Variants in PHKA2 observed in about 807,000 individuals in gnomAD.
PHKA2 encodes phosphorylase kinase regulatory subunit alpha 2.
Under a neutral mutation model 102.0 loss-of-function variants are expected in PHKA2, and 31 were observed. That is an observed-to-expected ratio of 0.30 (90% confidence interval 0.23 to 0.41). PHKA2 has a LOEUF of 0.41. Ranked by LOEUF, PHKA2 falls within the 10% of genes least tolerant of loss-of-function variation. The pLI, the probability that PHKA2 is intolerant of heterozygous loss-of-function variation, is 1.00. For missense variants in PHKA2, 858 were observed against 1,023.1 expected (o/e 0.84, Z 2.20); for synonymous variants, 455 against 416.2 (o/e 1.09, Z -1.13).
intron 1 of PHKA2, among the ~76,000 whole-genome samples, chrX:18,955,000 A>G (rs2048753934): frequency 8.9e-6 from 1 of 112,625 alleles, no homozygotes; most frequent in Admixed American, 9.4e-5. Flanking sequence ...TAAAAGGGCA[A>G]CTGAGTCACT....
chrX:18,972,371 G>A (rs2049028705), intron 1 of PHKA2, among the ~76,000 whole-genome samples: 1 of 111,910 alleles, frequency 8.9e-6, no homozygotes, highest in Admixed American at 9.5e-5. Context: ...ATGTGTCTTG[G>A]CTATTCTTGG....
At chrX:18,927,498 C>G (rs968680385) in intron 13 of PHKA2, among the ~76,000 whole-genome samples, 1 of 112,095 alleles carries the variant, frequency 8.9e-6, no homozygotes, top group Admixed American at 9.4e-5. Flanking sequence ...CTCAGGGCAG[C>G]GCAGGATTGG....
At chrX:18,943,655 G>T (rs2048531818) in intron 7 of PHKA2, 55 bp downstream of exon 7, 1 of 939,586 alleles carries the variant, frequency 1.1e-6, no homozygotes, top group Non-Finnish European at 1.5e-6. Context: ...TGGATCCCAG[G>T]CCTTCCATGC....
In PHKA2 at chrX:18,899,603, A is replaced by ATGAACCAAATACCTACAGC. The variant is rs1439125679; in HGVS notation, c.3058-396_3058-378dup. Among the ~76,000 whole-genome samples, 155 of 112,271 alleles carry ATGAACCAAATACCTACAGC rather than the reference A, an allele frequency of 1.4e-3. 1 individual carries two copies. Among genetic ancestry groups the ATGAACCAAATACCTACAGC allele is most frequent in the African/African-American group, 4.8e-3 (149 of 30,896 alleles). Reference sequence around the variant, plus strand: ...TGGTAAGAATTGTGAAAATCTACAGATGAACCAAATACCTACAGCTGACAC... The same window carrying ATGAACCAAATACCTACAGC: ...TGGTAAGAATTGTGAAAATCTACAGATGAACCAAATACCTACAGCTGAACCAAATACCTACAGCTGACAC... On this transcript the variant is annotated intron_variant, in intron 28 of 32. Transcript: ENST00000379942.
chrX:18,943,818 C>T lies in PHKA2; in HGVS notation c.619-10G>A, dbSNP rs1569321562. On this transcript the variant is annotated splice_polypyrimidine_tract_variant and intron_variant, in intron 6 of 32. Transcript: ENST00000379942. ...TTGCCTCAAGAGCTGCCTACAAACACAGGTATGAGTTACTTTTTCTTTCTA... is the reference window on the plus strand; with the variant it reads ...TTGCCTCAAGAGCTGCCTACAAACATAGGTATGAGTTACTTTTTCTTTCTA... 1 of 1,151,513 alleles carries T rather than the reference C, an allele frequency of 8.7e-7. No homozygotes were observed. Among genetic ancestry groups the T allele is most frequent in the Non-Finnish European group, 1.2e-6 (1 of 840,567 alleles). The allele number at this position is 1,151,513 out of a possible 1,213,427, so 94.9% of individuals were successfully genotyped here.
intron 30 of PHKA2, chrX:18,896,175 G>T (rs2047548690): frequency 9.2e-6 from 1 of 109,166 alleles, no homozygotes; most frequent in Admixed American, 9.5e-5. Flanking sequence ...ATAGTTCTGG[G>T]GGGAAAAAAA....
intron 19 of PHKA2, among the ~76,000 whole-genome samples, chrX:18,911,751 G>A (rs1240451629): frequency 8.9e-6 from 1 of 112,707 alleles, no homozygotes; most frequent in Non-Finnish European, 1.9e-5. Flanking sequence ...GAAGTGAGCA[G>A]GCATAGATCT....
intron 1 of PHKA2, among the ~76,000 whole-genome samples, chrX:18,973,923 G>A (rs1272352806): frequency 9.0e-6 from 1 of 110,809 alleles, no homozygotes; most frequent in Admixed American, 9.7e-5. Context: ...GGACTGTTTC[G>A]TACCTTCTCT....
chrX:18,952,329 C>CAA (rs1198542984), intron 3 of PHKA2, among the ~76,000 whole-genome samples, 165 bp downstream of exon 3: 88 of 34,262 alleles, frequency 2.6e-3, no homozygotes, highest in South Asian at 3.6e-3. Flanking sequence ...GACCCTGTCT[C>CAA]AAAAAAAAAA....
At chrX:18,970,554 A>G (rs192349378) in intron 1 of PHKA2, among the ~76,000 whole-genome samples, 3 of 112,541 alleles carry the variant, frequency 2.7e-5, no homozygotes, top group African/African-American at 9.7e-5. Flanking sequence ...AAATTGAAGA[A>G]CAGTCAGATT....
intron 19 of PHKA2, 50 bp downstream of exon 19, chrX:18,918,631 C>T: frequency 4.5e-6 from 5 of 1,111,240 alleles, no homozygotes; most frequent in Non-Finnish European, 5.0e-6. Context: ...CCCTGCATTA[C>T]TTTGATAAAA....
rs759793796 is a variant in PHKA2, at chrX:18,906,589, C to T, written c.2712G>A (p.Ala904=). The part of the protein sequence containing the change: ...IVVYLAMYVR[A]QPSLFVEMLR... ...GCATCTCCACAAAGAGGCTGGGCTGCGCCCTGACATACATGGCCAGGTAAA... is the reference window on the plus strand; with the variant it reads ...GCATCTCCACAAAGAGGCTGGGCTGTGCCCTGACATACATGGCCAGGTAAA... Residue 904 remains alanine, a synonymous_variant, in exon 25 of 33, where the codon GCG becomes GCA. Transcript: ENST00000379942. The T allele has an allele frequency of 6.7e-6, 8 of 1,196,615 alleles. No homozygotes were observed. The South Asian group carries it at 1.1e-4, about 16-fold the overall frequency.
At chrX:18,900,542 G>T in intron 28 of PHKA2, 128 bp downstream of exon 28, 1 of 602,920 alleles carries the variant, frequency 1.7e-6, no homozygotes, top group Non-Finnish European at 2.9e-6. Flanking sequence ...CTCTGCCTGT[G>T]CCCCAGCCCG....
chrX:18,927,546 G>C (rs1173067338), intron 13 of PHKA2, among the ~76,000 whole-genome samples: 1 of 112,194 alleles, frequency 8.9e-6, no homozygotes, highest in East Asian at 2.8e-4. Flanking sequence ...ACAGGCTAGT[G>C]GGGCCGGAAT....
At chrX:18,905,418 G>A (rs1051889921) in intron 26 of PHKA2, among the ~76,000 whole-genome samples, 3 of 111,208 alleles carry the variant, frequency 2.7e-5, no homozygotes, top group Non-Finnish European at 5.7e-5. Flanking sequence ...CTCGTCATCC[G>A]CCCACCTCAG....
At chrX:18,952,633 G>T (rs771081116) in intron 2 of PHKA2, 92 bp from the exon 3 acceptor site, 2 of 862,183 alleles carry the variant, frequency 2.3e-6, no homozygotes, top group African/African-American at 2.0e-5. Flanking sequence ...AGCCAGTGCT[G>T]CCCAGCAACT....
intron 1 of PHKA2, among the ~76,000 whole-genome samples, chrX:18,961,328 AT>A (rs1278752534): frequency 1.8e-5 from 2 of 112,373 alleles, no homozygotes; most frequent in Non-Finnish European, 3.8e-5. Context: ...ATATATTTGT[AT>A]TATACATAGC....
In PHKA2 at chrX:18,897,183, C is replaced by A. The variant is rs1439345155; in HGVS notation, c.3262G>T (p.Val1088Leu). 1.7e-6 allele frequency: 2 copies of A among 1,209,860 alleles called. No individual in the cohort carries two copies. Among genetic ancestry groups the A allele is most frequent in the Non-Finnish European group, 2.2e-6 (2 of 895,044 alleles). Residue 1088 changes from valine (V) to leucine (L), a missense_variant, in exon 30 of 33, where the codon GTG becomes TTG. By Grantham distance (32) the Val-to-Leu change is conservative. This residue lies in a region of PHKA2 where 671 missense variants were observed against 745.2 expected (regional missense o/e 0.90). Transcript: ENST00000379942. ...NRVPVGFYQR[V>L]WKILQKCHGL... ...CTTACCTTCTGGAGGATCTTCCACACCCTCTGGTAGAATCCCACGGGGACC... is the reference window on the plus strand; with the variant it reads ...CTTACCTTCTGGAGGATCTTCCACAACCTCTGGTAGAATCCCACGGGGACC...
intron 1 of PHKA2, among the ~76,000 whole-genome samples, chrX:18,970,185 G>A (rs1287842636): frequency 1.8e-5 from 2 of 112,428 alleles, no homozygotes; most frequent in Non-Finnish European, 3.8e-5. Flanking sequence ...GCTACAAAGA[G>A]CCTTGATGGT....
Sources: gnomAD v4.1 joint callset for allele counts (sites outside exome capture counted in the v4.1 genomes callset) on GRCh38, gnomAD v4.1.1 for gene constraint, gnomAD v4.1.1 regional missense constraint, MANE v1.5 for transcripts, NCBI Gene and HGNC (gene_info 2026-07-23, HGNC 2026-07-21) for gene names.